Variants in FNDC1 observed in about 807,000 individuals in gnomAD.
The protein encoded by FNDC1 is fibronectin type III domain-containing protein 1.
Under a neutral mutation model 168.0 loss-of-function variants are expected in FNDC1, and 96 were observed. The ratio of observed to expected loss-of-function variants is 0.57; its 90% CI spans 0.48 to 0.68. FNDC1 has a LOEUF of 0.68. FNDC1 is among the 30% of genes least tolerant of loss of function. The pLI is 0.00. For synonymous variants in FNDC1, 1,099 were observed against 1,025.9 expected, an observed-to-expected ratio of 1.07 and a Z score of -1.36; for missense variants, 2,587 against 2,482.1, an observed-to-expected ratio of 1.04 and a Z score of -0.90.
At chr6:159,186,974 G>A (rs1782014440) in intron 1 of FNDC1, among the ~76,000 whole-genome samples, 2 of 152,224 alleles carry the variant, frequency 1.3e-5, no homozygotes, top group Non-Finnish European at 2.9e-5. Flanking sequence ...ATAATGCGTT[G>A]TTATCAAAAT....
rs1246246488 is a variant in FNDC1, at chr6:159,238,644, G to A, written c.4159G>A (p.Gly1387Arg). ...AAATCCTCTTCGGATTAAACTAGGAGGAGATGGTCGAACCATTGTAGGTAA... is the reference window on the plus strand; with the variant it reads ...AAATCCTCTTCGGATTAAACTAGGAAGAGATGGTCGAACCATTGTAGGTAA... ...HGNPLRIKLG[G>R]DGRTIVDLEG... The change falls in exon 13 of 23, where the codon GGA (glycine) becomes AGA (arginine). Residue 1387 changes from glycine to arginine, a missense_variant. Gly to Arg is a moderately radical substitution (Grantham distance 125). Coordinates refer to ENST00000297267, the MANE Select transcript of FNDC1 (RefSeq NM_032532.3). 1.2e-6 allele frequency: 2 copies of A among 1,605,854 alleles called. No individual in the cohort carries two copies. Among genetic ancestry groups the A allele is most frequent in the Non-Finnish European group, 1.7e-6 (2 of 1,175,912 alleles).
chr6:159,207,074 G>A (rs946934338), intron 4 of FNDC1, among the ~76,000 whole-genome samples: 4 of 152,192 alleles, frequency 2.6e-5, no homozygotes, highest in Non-Finnish European at 5.9e-5. Flanking sequence ...CTGGGGAGAA[G>A]CAAAGGCCTC....
chr6:159,200,170 T>G (rs771039798), intron 3 of FNDC1, 88 bp downstream of exon 3: 6 of 1,006,708 alleles, frequency 6.0e-6, no homozygotes, highest in Non-Finnish European at 8.9e-6. Context: ...AAATATAAAT[T>G]TAGAGTTATT....
chr6:159,170,220 C>A (rs974667192), intron 1 of FNDC1, among the ~76,000 whole-genome samples: 1 of 152,044 alleles, frequency 6.6e-6, no homozygotes, highest in African/African-American at 2.4e-5. Context: ...CTCTGCGCTC[C>A]AGAGGAGAAG....
chr6:159,249,276 T>A (rs771872395), intron 16 of FNDC1, 94 bp downstream of exon 16: 1 of 1,196,510 alleles, frequency 8.4e-7, no homozygotes, highest in Non-Finnish European at 1.2e-6. Flanking sequence ...GCCAAGGCAG[T>A]GCATTTTGAG....
At chr6:159,254,830 A>G (rs1755645161) in intron 17 of FNDC1, among the ~76,000 whole-genome samples, 2 of 152,096 alleles carry the variant, frequency 1.3e-5, no homozygotes, top group Admixed American at 6.5e-5. Context: ...CATTTGCTCA[A>G]GCCTGAAGCC....
intron 18 of FNDC1, 143 bp from the exon 19 acceptor site, chr6:159,261,047 A>G: frequency 1.7e-6 from 1 of 601,820 alleles, no homozygotes; most frequent in South Asian, 2.2e-5. Context: ...AAAGACATGA[A>G]GAATCACTAG....
At position 159,221,745 on chromosome 6, in the gene FNDC1, C is replaced by T. The variant is rs145237222; in HGVS notation, c.766+49C>T. The T allele has an allele frequency of 2.7e-3, 3,689 of 1,356,892 alleles. 86 individuals carry two copies. The African/African-American group carries it at 0.045, about 16-fold the overall frequency. The allele number at this position is 1,356,892 out of a possible 1,614,324, so 84.1% of individuals were successfully genotyped here. The stretch of plus-strand genomic sequence containing the variant: ...GTCAAACCATAGTCTGGTATGAATG[C>T]TATGTTGTTTCCAAATGATGCTGGC... On this transcript the variant is annotated intron_variant, in intron 6 of 22. Transcript: ENST00000297267.
Position 159,266,214 on chromosome 6 carries a change from G to A in FNDC1, c.5415G>A (p.Arg1805=), listed in dbSNP as rs778866168. Reference sequence around the variant, plus strand: ...GAGTTGTTCTTTGTAATTCACTGAGGTATAAAATCTACCTCAGTGACAACC... The same window carrying A: ...GAGTTGTTCTTTGTAATTCACTGAGATATAAAATCTACCTCAGTGACAACC... ...FVGVVLCNSL[R]YKIYLSDNLK... is the part of the protein sequence containing the mutation. The change falls in exon 21 of 23, where the codon AGG becomes AGA. Residue 1805 remains arginine (R), a synonymous_variant. Coordinates refer to ENST00000297267, the MANE Select transcript of FNDC1 (RefSeq NM_032532.3). The A allele has an allele frequency of 1.9e-6, 3 of 1,613,946 alleles. No homozygotes were observed. The highest frequency in any genetic ancestry group is 3.3e-5 in the Admixed American group (2 of 60,018).
chr6:159,236,234 T>C lies in FNDC1; in HGVS notation c.3987T>C (p.Asn1329=). 1 of 1,613,492 alleles carries C rather than the reference T, an allele frequency of 6.2e-7. No individual in the cohort carries two copies. The highest frequency in any genetic ancestry group is 8.5e-7 in the Non-Finnish European group (1 of 1,179,550). Residue 1329 remains asparagine, a synonymous_variant, in exon 12 of 23, where the codon AAT becomes AAC. Coordinates refer to ENST00000297267, the MANE Select transcript of FNDC1 (RefSeq NM_032532.3). ...SYRQGYNGRP[N]VEGKVLPGSN... ...GTGTAGGTTATAATGGCAGACCAAA[T>C]GTAGAAGGGAAAGTCCTTCCTGGTA...
chr6:159,175,571 A>T (rs1362754958), intron 1 of FNDC1, among the ~76,000 whole-genome samples: 1 of 152,108 alleles, frequency 6.6e-6, no homozygotes, highest in East Asian at 1.9e-4. Flanking sequence ...TGATTATGTG[A>T]GGTACTGAAA....
chr6:159,227,041 A>T (rs954548332), intron 9 of FNDC1, among the ~76,000 whole-genome samples: 6 of 152,338 alleles, frequency 3.9e-5, no homozygotes, highest in African/African-American at 1.4e-4. Flanking sequence ...CCTATTTGTC[A>T]CCATTTGTTT....
At position 159,249,082 on chromosome 6, in the gene FNDC1, T is replaced by C; in HGVS notation, c.4734T>C (p.Pro1578=). The stretch of plus-strand genomic sequence containing the variant: ...CAAGGCCACCAACCACCACTGAGCC[T>C]TCGACCACTGCTACCACACCGAGGG... The part of the protein sequence containing the change: ...ETSRPPTTTE[P]STTATTPRVI... The change falls in exon 16 of 23, where the codon CCT becomes CCC. Residue 1578 remains proline, a synonymous_variant. Coordinates refer to ENST00000297267, the MANE Select transcript of FNDC1 (RefSeq NM_032532.3). The C allele has an allele frequency of 6.2e-7, 1 of 1,605,092 alleles. No homozygotes were observed. Among genetic ancestry groups the C allele is most frequent in the East Asian group, 2.2e-5 (1 of 44,700 alleles).
chr6:159,185,067 TGGG>T (rs61164680), intron 1 of FNDC1, among the ~76,000 whole-genome samples: 1 of 66,958 alleles, frequency 1.5e-5, no homozygotes, highest in Non-Finnish European at 3.1e-5. Flanking sequence ...ATATGGAGGG[TGGG>T]GGGGGGGGAA....
In FNDC1 at chr6:159,271,528, T is replaced by A. The variant is rs1047255151; in HGVS notation, c.*86T>A. The A allele has an allele frequency of 4.6e-5, 44 of 957,824 alleles. No individual in the cohort carries two copies. In the Admixed American group the frequency reaches 8.9e-4, roughly 19 times the overall value. 59.3% of individuals were successfully genotyped at this position (957,824 alleles called of 1,614,324 possible). On this transcript the variant is annotated 3_prime_UTR_variant, in exon 23 of 23. Coordinates refer to ENST00000297267, the MANE Select transcript of FNDC1 (RefSeq NM_032532.3). ...GGGCTGTGAGCAAAGACAGCCAGCGTGCTCAGCCCCGCTGCCCTAGGTGCC... is the reference window on the plus strand; with the variant it reads ...GGGCTGTGAGCAAAGACAGCCAGCGAGCTCAGCCCCGCTGCCCTAGGTGCC...
rs774641442 is a variant in FNDC1 at position 159,197,609 on chromosome 6, C to T, written c.288C>T (p.Phe96=). 3.1e-6 allele frequency: 5 copies of T among 1,611,896 alleles called. No homozygotes were observed. In the Admixed American group the frequency reaches 8.4e-5, roughly 27 times the overall value. ...YIKVNAETYS[F]LIEDVEPGVV... ...AGGTGAATGCGGAGACATACTCCTT[C>T]CTTATTGAGGATGTGGGTAAGTGAC... The change falls in exon 2 of 23, where the codon TTC becomes TTT. Residue 96 remains phenylalanine, a synonymous_variant. Coordinates refer to ENST00000297267, the MANE Select transcript of FNDC1 (RefSeq NM_032532.3).
At chr6:159,212,004 T>C (rs1373785230) in intron 4 of FNDC1, among the ~76,000 whole-genome samples, 2 of 152,180 alleles carry the variant, frequency 1.3e-5, no homozygotes, top group Non-Finnish European at 2.9e-5. Context: ...AACTTCAGAA[T>C]ATTTGCCAAT....
rs568706790 is a variant in FNDC1, at chr6:159,196,129, C to T, written c.110-1302C>T. On this transcript the variant is annotated intron_variant, in intron 1 of 22. Transcript: ENST00000297267. ...TGGTGTCTTCATAGTCTTCCCAACTCAAAATTTCCCAAAGAGCATGAGCCT... is the reference window on the plus strand; with the variant it reads ...TGGTGTCTTCATAGTCTTCCCAACTTAAAATTTCCCAAAGAGCATGAGCCT... 7.2e-5 allele frequency among the ~76,000 whole-genome samples: 11 copies of T among 152,310 alleles called. No individual in the cohort carries two copies. The South Asian group carries it at 2.3e-3, about 32-fold the overall frequency.
chr6:159,228,276 T>G (rs915625160), intron 9 of FNDC1, among the ~76,000 whole-genome samples: 2 of 152,222 alleles, frequency 1.3e-5, no homozygotes, highest in Admixed American at 1.3e-4. Flanking sequence ...TAGGTCGTTT[T>G]TGTAAGGGTG....
Sources: gnomAD v4.1 joint callset for allele counts (sites outside exome capture counted in the v4.1 genomes callset) on GRCh38, gnomAD v4.1.1 for gene constraint, MANE v1.5 for transcripts, NCBI Gene and HGNC (gene_info 2026-07-23, HGNC 2026-07-21) for gene names.